Variants in ADGRB1 observed in about 807,000 individuals in gnomAD.
ADGRB1 encodes the protein adhesion G protein-coupled receptor B1, also known as brain-specific angiogenesis inhibitor 1.
Under a neutral mutation model 175.7 loss-of-function variants are expected in ADGRB1, and 36 were observed. The observed-to-expected ratio is 0.20, with a 90% CI of 0.16 to 0.27. The LOEUF (loss-of-function observed/expected upper bound fraction) is 0.27, where lower values mean the gene tolerates loss of function less well. Among genes scored for constraint, ADGRB1 ranks in the 10% least tolerant of loss-of-function variants. ADGRB1 has a pLI of 1.00. For synonymous variants in ADGRB1, 1,054 were observed against 979.4 expected (o/e 1.08, Z -1.42); for missense variants, 1,731 against 2,255.3 (o/e 0.77, Z 4.71).
chr8:142,464,564 G>A lies in ADGRB1; in HGVS notation c.366G>A (p.Glu122=), dbSNP rs779374672. ...RTYLGVESFD[E]VLRLCDPSAP... ...ACCTGGGCGTGGAGAGCTTCGACGA[G>A]GTGCTGCGGCTCTGCGACCCCTCCG... Residue 122 remains glutamate, a synonymous_variant, in exon 2 of 31, where the codon GAG becomes GAA. Transcript: ENST00000517894. 1.3e-5 allele frequency: 20 copies of A among 1,546,322 alleles called. No individual in the cohort carries two copies. The highest frequency in any genetic ancestry group is 1.7e-5 in the Non-Finnish European group (19 of 1,148,608).
intron 16 of ADGRB1, among the ~76,000 whole-genome samples, chr8:142,490,335 G>A (rs184303459): frequency 8.3e-4 from 126 of 152,336 alleles, no homozygotes; most frequent in African/African-American, 2.8e-3. Flanking sequence ...CTAGTGTGTG[G>A]CAGGCCTGGC....
chr8:142,471,017 G>A (rs1840633856), intron 2 of ADGRB1, among the ~76,000 whole-genome samples: 1 of 152,210 alleles, frequency 6.6e-6, no homozygotes, highest in African/African-American at 2.4e-5. Flanking sequence ...TTGGAGTGGA[G>A]TTTGGGACTC....
intron 8 of ADGRB1, 63 bp downstream of exon 8, chr8:142,479,550 G>T: frequency 6.6e-7 from 1 of 1,511,748 alleles, no homozygotes; most frequent in Non-Finnish European, 8.8e-7. Context: ...GCGGGCTTGG[G>T]CTCAGCTGTC....
chr8:142,485,654 C>G (rs547336612), intron 13 of ADGRB1, among the ~76,000 whole-genome samples: 6 of 152,362 alleles, frequency 3.9e-5, no homozygotes, highest in African/African-American at 1.4e-4. Context: ...GGGCCTTGCC[C>G]AGTGCCTATA....
At chr8:142,516,500 CCCCAGGTGCGTGCGTGTGCGGGT>C (rs1843448260) in intron 18 of ADGRB1, among the ~76,000 whole-genome samples, 4 of 130,524 alleles carry the variant, frequency 3.1e-5, no homozygotes, top group South Asian at 5.0e-4. Flanking sequence ...TGTGTGCGGG[CCCCAGGTGCGTGCGTGTGCGGGT>C]CCCAGGTGCG....
intron 1 of ADGRB1, among the ~76,000 whole-genome samples, chr8:142,452,617 C>T (rs957527491): frequency 2.0e-5 from 3 of 152,204 alleles, no homozygotes; most frequent in African/African-American, 7.2e-5. Flanking sequence ...GTGCCCGGTC[C>T]GCAGCGTGCT....
At chr8:142,519,610 TGGTG>T (rs1843648389) in intron 19 of ADGRB1, among the ~76,000 whole-genome samples, 1 of 151,324 alleles carries the variant, frequency 6.6e-6, no homozygotes, top group Non-Finnish European at 1.5e-5. Flanking sequence ...ATGGTAGTGA[TGGTG>T]GTGGTGATGG....
intron 2 of ADGRB1, among the ~76,000 whole-genome samples, chr8:142,470,467 G>A (rs1358496743): frequency 6.6e-6 from 1 of 151,624 alleles, no homozygotes; most frequent in Non-Finnish European, 1.5e-5. Flanking sequence ...AGGGACAGGG[G>A]AGCCACTCCT....
chr8:142,482,543 C>G (rs1322089006), intron 11 of ADGRB1, among the ~76,000 whole-genome samples: 2 of 147,340 alleles, frequency 1.4e-5, no homozygotes, highest in Admixed American at 6.8e-5. Flanking sequence ...CACACTGAGC[C>G]CTGATCCTGG....
intron 27 of ADGRB1, 144 bp downstream of exon 27, chr8:142,539,557 C>A: frequency 9.6e-7 from 1 of 1,036,290 alleles, no homozygotes. Flanking sequence ...CCGTCAGGCC[C>A]ACCTGGACCC....
chr8:142,479,333 G>A lies in ADGRB1; in HGVS notation c.1572G>A (p.Lys524=), dbSNP rs770611160. The change falls in exon 8 of 31, where the codon AAG becomes AAA. Residue 524 remains lysine, a synonymous_variant. Transcript: ENST00000517894. ...GGCCACGCCCCGCAGTGGATGGCAA[G>A]TGGCAGGCCTGGGCGTCATGGGGCA... ...CFLQQCPVDG[K]WQAWASWGSC... 8 of 1,513,122 alleles carry A rather than the reference G, an allele frequency of 5.3e-6. No homozygotes were observed. The highest frequency in any genetic ancestry group is 7.0e-6 in the Non-Finnish European group (8 of 1,135,446). 93.7% of individuals were successfully genotyped at this position (1,513,122 alleles called of 1,614,324 possible). A position where few individuals can be genotyped will look rare whatever the true frequency, so the allele number is the denominator to read the frequency against.
chr8:142,529,938 G>A (rs1379490900), intron 24 of ADGRB1, among the ~76,000 whole-genome samples: 4 of 147,034 alleles, frequency 2.7e-5, no homozygotes, highest in Admixed American at 1.4e-4. Flanking sequence ...ACCTGTGAGC[G>A]TGCATCTGTG....
At chr8:142,499,330 C>T (rs548024906) in intron 17 of ADGRB1, among the ~76,000 whole-genome samples, 2 of 152,200 alleles carry the variant, frequency 1.3e-5, no homozygotes, top group African/African-American at 4.8e-5. Context: ...TATTACGGAA[C>T]GAGAGTTGGG....
intron 25 of ADGRB1, 127 bp downstream of exon 25, chr8:142,533,593 A>G: frequency 8.9e-7 from 1 of 1,117,692 alleles, no homozygotes. Context: ...ACCCTGACAC[A>G]TCTGCAGGCC....
At chr8:142,515,312 G>A (rs1300231738) in intron 18 of ADGRB1, among the ~76,000 whole-genome samples, 1 of 152,232 alleles carries the variant, frequency 6.6e-6, no homozygotes, top group Non-Finnish European at 1.5e-5. Flanking sequence ...GTTGAGGCCG[G>A]TCTTGGTCTA....
intron 2 of ADGRB1, among the ~76,000 whole-genome samples, chr8:142,472,916 G>C (rs1358241889): frequency 1.3e-5 from 2 of 152,104 alleles, no homozygotes; most frequent in African/African-American, 4.8e-5. Context: ...TCAGGGTTCA[G>C]TATGTGACCA....
chr8:142,482,654 G>A (rs111629145), intron 11 of ADGRB1, among the ~76,000 whole-genome samples: 281 of 141,114 alleles, frequency 2.0e-3, no homozygotes, highest in African/African-American at 7.3e-3. Flanking sequence ...CTGGTCACAC[G>A]CTGAGCCTCG....
chr8:142,465,354 G>A (rs542618691), intron 2 of ADGRB1, among the ~76,000 whole-genome samples: 6 of 152,190 alleles, frequency 3.9e-5, no homozygotes, highest in Admixed American at 1.3e-4. Flanking sequence ...GAGAGGGCCC[G>A]CCCTTTCTCT....
intron 17 of ADGRB1, among the ~76,000 whole-genome samples, chr8:142,503,239 C>T (rs548187482): frequency 5.3e-5 from 8 of 151,968 alleles, no homozygotes; most frequent in East Asian, 1.9e-4. Context: ...GAGGAAATGG[C>T]GGGAGAGCCA....
Sources: gnomAD v4.1 joint callset for allele counts (sites outside exome capture counted in the v4.1 genomes callset) on GRCh38, gnomAD v4.1.1 for gene constraint, MANE v1.5 for transcripts, NCBI Gene and HGNC (gene_info 2026-07-23, HGNC 2026-07-21) for gene names.